Variants in LRP1B observed in about 807,000 individuals in gnomAD.
LRP1B encodes LDL receptor related protein 1B, also known as low-density lipoprotein receptor-related protein 1B.
A neutral mutation model predicts 556.6 loss-of-function variants in LRP1B; 217 were observed. The observed-to-expected ratio is 0.39, with a 90% CI of 0.35 to 0.44. The LOEUF is 0.44. LRP1B is among the 20% of genes least tolerant of loss of function. The pLI, the probability that LRP1B is intolerant of heterozygous loss-of-function variation, is 1.00. For missense variants in LRP1B, 5,053 were observed against 5,620.8 expected (o/e 0.90, Z 3.23); for synonymous variants, 2,047 against 1,865.8 (o/e 1.10, Z -2.50).
At chr2:142,090,835 G>T (rs1460695029) in intron 1 of LRP1B, among the ~76,000 whole-genome samples, 2 of 152,040 alleles carry the variant, frequency 1.3e-5, no homozygotes, top group Admixed American at 1.3e-4. Flanking sequence ...TTACAGTTCA[G>T]TTATGTGCAA....
At chr2:141,118,869 A>G (rs1446733436) in intron 7 of LRP1B, among the ~76,000 whole-genome samples, 2 of 151,880 alleles carry the variant, frequency 1.3e-5, no homozygotes, top group Non-Finnish European at 2.9e-5. Context: ...AAACAGACAT[A>G]CAAACATGTC....
At chr2:141,408,970 G>A (rs925381324) in intron 3 of LRP1B, among the ~76,000 whole-genome samples, 1 of 152,100 alleles carries the variant, frequency 6.6e-6, no homozygotes, top group Non-Finnish European at 1.5e-5. Context: ...ATTGCAGCAA[G>A]TTCTATTACA....
intron 29 of LRP1B, among the ~76,000 whole-genome samples, chr2:140,849,403 C>CA (rs748579248): frequency 8.2e-6 from 1 of 121,440 alleles, no homozygotes; most frequent in African/African-American, 4.0e-5. Context: ...AAACAAAAAA[C>CA]AAAATCCAAA....
chr2:141,140,793 T>C (rs1701630225), intron 7 of LRP1B, among the ~76,000 whole-genome samples: 1 of 152,166 alleles, frequency 6.6e-6, no homozygotes, highest in Non-Finnish European at 1.5e-5. Context: ...ATACAAGTGT[T>C]TTTAAAAATG....
chr2:140,786,811 G>T (rs966914002), intron 32 of LRP1B, among the ~76,000 whole-genome samples: 1 of 152,174 alleles, frequency 6.6e-6, no homozygotes, highest in Non-Finnish European at 1.5e-5. Context: ...AGAAGAACTG[G>T]AGAATGGCAG....
chr2:141,161,670 G>A (rs1327991572), intron 7 of LRP1B, among the ~76,000 whole-genome samples: 2 of 152,102 alleles, frequency 1.3e-5, no homozygotes, highest in Non-Finnish European at 2.9e-5. Context: ...TCCCTTCAGA[G>A]CAGAAGGCAG....
chr2:141,709,257 G>A (rs746459673), intron 2 of LRP1B, among the ~76,000 whole-genome samples: 11 of 152,016 alleles, frequency 7.2e-5, no homozygotes, highest in Non-Finnish European at 1.5e-4. Context: ...GCTGAGGCAG[G>A]AGAATTGCCT....
chr2:141,114,806 G>A (rs1441395690), intron 7 of LRP1B, among the ~76,000 whole-genome samples: 1 of 151,856 alleles, frequency 6.6e-6, no homozygotes, highest in African/African-American at 2.4e-5. Context: ...AGGAAAATTC[G>A]TAATTAAGTG....
intron 3 of LRP1B, among the ~76,000 whole-genome samples, chr2:141,263,249 C>T (rs1478252923): frequency 6.6e-6 from 1 of 151,626 alleles, no homozygotes; most frequent in African/African-American, 2.4e-5. Context: ...CTAAACAGAA[C>T]AAAGAAAACT....
chr2:141,986,525 C>G (rs1024372691), intron 1 of LRP1B, among the ~76,000 whole-genome samples: 2 of 151,726 alleles, frequency 1.3e-5, no homozygotes, highest in Non-Finnish European at 3.0e-5. Context: ...TTATAATTAC[C>G]TCTATTTGAA....
chr2:141,794,908 GTAT>G (rs1490496517), intron 2 of LRP1B, among the ~76,000 whole-genome samples: 2 of 152,028 alleles, frequency 1.3e-5, no homozygotes, highest in African/African-American at 4.8e-5. Context: ...TATTGGGTTA[GTAT>G]TATTTTTATC....
At chr2:141,105,890 A>G (rs944870359) in intron 7 of LRP1B, among the ~76,000 whole-genome samples, 6 of 152,034 alleles carry the variant, frequency 3.9e-5, no homozygotes, top group African/African-American at 1.4e-4. Context: ...TAGCAAGGAG[A>G]TCTCCAGAGG....
chr2:140,788,925 A>C (rs778073810), intron 32 of LRP1B, among the ~76,000 whole-genome samples: 1 of 152,206 alleles, frequency 6.6e-6, no homozygotes, highest in African/African-American at 2.4e-5. Context: ...CACACAGAAA[A>C]GACTGTGAGG....
At chr2:141,493,317 G>A (rs987097693) in intron 2 of LRP1B, among the ~76,000 whole-genome samples, 1 of 152,060 alleles carries the variant, frequency 6.6e-6, no homozygotes, top group African/African-American at 2.4e-5. Context: ...CCTTTTTTGT[G>A]TAGTAGACTA....
chr2:140,817,747 T>C (rs1401239333), intron 31 of LRP1B, among the ~76,000 whole-genome samples: 3 of 152,046 alleles, frequency 2.0e-5, no homozygotes, highest in African/African-American at 7.2e-5. Context: ...TGGCTCAAAA[T>C]TAAATAAATA....
At chr2:140,795,880 T>C (rs1404060911) in intron 32 of LRP1B, among the ~76,000 whole-genome samples, 1 of 152,110 alleles carries the variant, frequency 6.6e-6, no homozygotes, top group Non-Finnish European at 1.5e-5. Flanking sequence ...TCAGTTATCT[T>C]GATTTATTCT....
intron 1 of LRP1B, among the ~76,000 whole-genome samples, chr2:142,070,378 G>A (rs1318587261): frequency 6.6e-6 from 1 of 151,798 alleles, no homozygotes; most frequent in Admixed American, 6.6e-5. Flanking sequence ...TTAGTGAGGA[G>A]GTTAAATAAC....
chr2:141,249,970 C>A (rs1045103809), intron 4 of LRP1B, among the ~76,000 whole-genome samples: 1 of 151,848 alleles, frequency 6.6e-6, no homozygotes, highest in African/African-American at 2.4e-5. Flanking sequence ...GGAATGATGA[C>A]TGAAGATAAT....
intron 2 of LRP1B, among the ~76,000 whole-genome samples, chr2:141,670,084 G>A (rs551756985): frequency 1.3e-5 from 2 of 152,048 alleles, no homozygotes; most frequent in Non-Finnish European, 2.9e-5. Context: ...ATTAATAAAC[G>A]AAGTGAAAAA....
Sources: allele counts gnomAD v4.1 joint callset (sites outside exome capture counted in the v4.1 genomes callset), GRCh38; gene constraint gnomAD v4.1.1; transcripts MANE v1.5; gene names NCBI Gene and HGNC (gene_info 2026-07-23, HGNC 2026-07-21).